Variants in PCDHGA6 observed in about 807,000 individuals in gnomAD.
PCDHGA6 encodes the protein protocadherin gamma-A6.
A neutral mutation model predicts 60.6 loss-of-function variants in PCDHGA6; 41 were observed. The observed-to-expected ratio is 0.68, with a 90% CI of 0.53 to 0.88. The LOEUF is 0.88. PCDHGA6 is among the 40% of genes least tolerant of loss of function. PCDHGA6 has a pLI of 0.00. For synonymous variants in PCDHGA6, 594 were observed against 524.4 expected (o/e 1.13, Z -1.81); for missense variants, 1,312 against 1,203.0 (o/e 1.09, Z -1.34).
chr5:141,490,896 G>C lies in PCDHGA6; in HGVS notation c.2425-3911G>C. The stretch of plus-strand genomic sequence containing the variant: ...TGCATGCCAACACATCTCTGCATGT[G>C]TTTGTCCTAGACGAGAATGATAATG... On this transcript the variant is annotated intron_variant, in intron 1 of 3. Coordinates refer to ENST00000517434, the MANE Select transcript of PCDHGA6 (RefSeq NM_018919.3). This position sits in a 1 kb window ranked among gnomAD's most constrained non-coding sequence, Gnocchi z 5.4. 2.5e-6 allele frequency: 4 copies of C among 1,613,938 alleles called. No homozygotes were observed. The highest frequency in any genetic ancestry group is 3.4e-6 in the Non-Finnish European group (4 of 1,179,922).
At position 141,410,612 on chromosome 5, in the gene PCDHGA6, C is replaced by CT. The variant is rs748943892; in HGVS notation, c.2424+34106dup. The CT allele has an allele frequency of 5.6e-6, 9 of 1,605,878 alleles. 1 individual carries two copies. The South Asian group carries it at 9.9e-5, about 18-fold the overall frequency. On this transcript the variant is annotated intron_variant, in intron 1 of 3. Transcript: ENST00000517434. ...GGATTTGACTTCACATCCTGAGACT[C>CT]TGACTTCGGTGAGTTTCTCTTTTTT...
intron 1 of PCDHGA6, chr5:141,408,303 G>T: frequency 1.2e-6 from 2 of 1,613,794 alleles, no homozygotes; most frequent in South Asian, 1.1e-5. Context: ...GAGCCGATCC[G>T]CTACTCGATT....
intron 1 of PCDHGA6, chr5:141,399,375 C>T (rs548275013): frequency 1.9e-6 from 3 of 1,614,016 alleles, no homozygotes; most frequent in South Asian, 2.2e-5. Flanking sequence ...AGTACAATGT[C>T]ACCATCACAG....
At chr5:141,409,626 G>A (rs776642148) in intron 1 of PCDHGA6, 13 of 1,613,760 alleles carry the variant, frequency 8.1e-6, no homozygotes, top group Non-Finnish European at 5.1e-6. Flanking sequence ...GCGCAAGTGA[G>A]CGCCTCTGAC....
chr5:141,400,292 G>T, intron 1 of PCDHGA6: 1 of 1,614,078 alleles, frequency 6.2e-7, no homozygotes, highest in South Asian at 1.1e-5. Flanking sequence ...GCCTGGAGCT[G>T]CTTCCAACCT....
intron 1 of PCDHGA6, chr5:141,407,951 A>G (rs1256400393): frequency 1.7e-6 from 1 of 578,448 alleles, no homozygotes; most frequent in Non-Finnish European, 2.8e-6. Flanking sequence ...GCTGTCGGCC[A>G]GTGCAGAGCA....
chr5:141,415,577 C>T (rs776744277), intron 1 of PCDHGA6: 3 of 1,613,744 alleles, frequency 1.9e-6, no homozygotes, highest in East Asian at 4.5e-5. Context: ...TTAGATGATT[C>T]GAAGTTTCCT....
At chr5:141,438,985 A>G (rs1461265086) in intron 1 of PCDHGA6, among the ~76,000 whole-genome samples, 1 of 151,940 alleles carries the variant, frequency 6.6e-6, no homozygotes, top group Non-Finnish European at 1.5e-5. Context: ...ACTTATCTTA[A>G]AAGGCTAAGG....
chr5:141,441,327 C>T (rs973149197), intron 1 of PCDHGA6: 2 of 152,196 alleles, frequency 1.3e-5, no homozygotes, highest in Admixed American at 6.5e-5. Flanking sequence ...AAAAATCTTC[C>T]TCCAATAATT....
chr5:141,461,864 C>T (rs911351082), intron 1 of PCDHGA6, among the ~76,000 whole-genome samples: 5 of 151,900 alleles, frequency 3.3e-5, no homozygotes, highest in African/African-American at 9.7e-5. Context: ...GCTCTTGTTG[C>T]CCAGGCTGGA....
At chr5:141,497,741 G>A (rs767561907) in intron 2 of PCDHGA6, among the ~76,000 whole-genome samples, 24 of 152,050 alleles carry the variant, frequency 1.6e-4, no homozygotes, top group Non-Finnish European at 2.6e-4. Context: ...GTTTCGCCAC[G>A]TTGGCCAGGC....
In PCDHGA6 at chr5:141,393,997, A is replaced by G. The variant is rs375314377; in HGVS notation, c.2424+17490A>G. ...CGTGATAATTTACCTTTTAAATTAG[A>G]AAAGTCAATAGGTAATTATTATAGA... On this transcript the variant is annotated intron_variant, in intron 1 of 3. Coordinates refer to ENST00000517434, the MANE Select transcript of PCDHGA6 (RefSeq NM_018919.3). 7.4e-6 allele frequency: 12 copies of G among 1,613,330 alleles called. 1 individual carries two copies. The African/African-American group carries it at 8.0e-5, about 11-fold the overall frequency.
At chr5:141,427,945 A>G (rs747625541) in intron 1 of PCDHGA6, 22 of 1,586,364 alleles carry the variant, frequency 1.4e-5, no homozygotes, top group Middle Eastern at 1.7e-4. Flanking sequence ...GGCGACCTCA[A>G]TGACAATGTG....
intron 1 of PCDHGA6, among the ~76,000 whole-genome samples, chr5:141,451,703 A>G (rs975120935): frequency 6.6e-6 from 1 of 152,144 alleles, no homozygotes; most frequent in Non-Finnish European, 1.5e-5. Flanking sequence ...GTAACATGAC[A>G]AAACCCTGCC....
chr5:141,456,942 A>C (rs11737987), intron 1 of PCDHGA6, among the ~76,000 whole-genome samples: 42,405 of 152,066 alleles, frequency 0.28, 6,638 homozygotes, highest in African/African-American at 0.43. Flanking sequence ...CAGCCTGGGC[A>C]ACAGAGCAAA....
At chr5:141,510,321 CA>C (rs1376271166) in intron 3 of PCDHGA6, among the ~76,000 whole-genome samples, 1 of 150,840 alleles carries the variant, frequency 6.6e-6, no homozygotes, top group Non-Finnish European at 1.5e-5. Context: ...CTTGGAAGAG[CA>C]CTCTTCACCC....
intron 1 of PCDHGA6, among the ~76,000 whole-genome samples, chr5:141,472,908 C>T (rs1369506606): frequency 1.3e-5 from 2 of 149,744 alleles, no homozygotes; most frequent in African/African-American, 2.5e-5. Context: ...ATTGCTTGAA[C>T]CCAAGAGGAG....
intron 1 of PCDHGA6, among the ~76,000 whole-genome samples, chr5:141,455,732 A>G (rs1056074268): frequency 6.6e-6 from 1 of 152,190 alleles, no homozygotes; most frequent in Non-Finnish European, 1.5e-5. Context: ...CTGCATTTGC[A>G]TATCAAAGGT....
rs924491576 is a variant in PCDHGA6, at chr5:141,491,579, C to T, written c.2425-3228C>T. On this transcript the variant is annotated intron_variant, in intron 1 of 3. Coordinates refer to ENST00000517434, the MANE Select transcript of PCDHGA6 (RefSeq NM_018919.3). This position sits in a 1 kb window ranked among gnomAD's most constrained non-coding sequence, Gnocchi z 6.9. ...CACTGCTACAGGACGTGCTTTTCAC[C>T]GGCCTCGGACGGCAGTGACTTCACT... is the stretch of plus-strand genomic sequence containing the variant. 18 of 1,613,810 alleles carry T rather than the reference C, an allele frequency of 1.1e-5. No homozygotes were observed. Among genetic ancestry groups the T allele is most frequent in the Non-Finnish European group, 1.4e-5 (17 of 1,180,044 alleles).
Sources: allele counts gnomAD v4.1 joint callset (sites outside exome capture counted in the v4.1 genomes callset), GRCh38; gene constraint gnomAD v4.1.1; non-coding constraint Gnocchi (gnomAD v3.1); transcripts MANE v1.5; gene names NCBI Gene and HGNC (gene_info 2026-07-23, HGNC 2026-07-21).